ROPN1: variants seen among roughly 807,000 people sequenced by gnomAD.
ROPN1 encodes the protein rhophilin associated tail protein 1.
Under a neutral mutation model 20.5 loss-of-function variants are expected in ROPN1, and 14 were observed. That is an observed-to-expected ratio of 0.68 (90% CI 0.45 to 1.07). The LOEUF (loss-of-function observed/expected upper bound fraction) is 1.07, where lower values mean the gene tolerates loss of function less well. ROPN1 is among the 50% of genes least tolerant of loss of function. The pLI is 0.00. For synonymous variants in ROPN1, 76 were observed against 95.7 expected, an observed-to-expected ratio of 0.79 and a Z score of 1.20; for missense variants, 169 against 242.8, an observed-to-expected ratio of 0.70 and a Z score of 2.02.
chr3:123,980,368 G>C lies in ROPN1; in HGVS notation c.114C>G (p.Ala38=). The change falls in exon 2 of 6, where the codon GCC becomes GCG. Residue 38 remains alanine (A), a splice_region_variant and synonymous_variant. Coordinates refer to ENST00000405845, the MANE Select transcript of ROPN1 (RefSeq NM_001317774.2). ...VQPQDLIQWA[A]DYFEALSRGE... ...GAAGGCGAGAAAGGAGCACGTACTC[G>C]GCTGCCCACTGGATGAGGTCCTGCG... 4 of 1,614,094 alleles carry C rather than the reference G, an allele frequency of 2.5e-6. No individual in the cohort carries two copies. Among genetic ancestry groups the C allele is most frequent in the Non-Finnish European group, 3.4e-6 (4 of 1,179,982 alleles).
intron 4 of ROPN1, among the ~76,000 whole-genome samples, chr3:123,971,627 G>T (rs1310809911): frequency 2.6e-5 from 4 of 152,156 alleles, no homozygotes; most frequent in South Asian, 2.1e-4. Flanking sequence ...GAGGCTGTCT[G>T]GGAGGATGGT....
intron 4 of ROPN1, among the ~76,000 whole-genome samples, chr3:123,971,316 G>C (rs1171933385): frequency 4.6e-5 from 7 of 152,166 alleles, no homozygotes; most frequent in Non-Finnish European, 7.3e-5. Context: ...ACTCTTCCTT[G>C]AGTGATAGTT....
At chr3:123,980,137 G>T in intron 2 of ROPN1, 2 of 577,426 alleles carry the variant, frequency 3.5e-6, no homozygotes, top group Admixed American at 3.0e-5. Flanking sequence ...TTGACCTGGC[G>T]TCCTACTGCT....
chr3:123,974,205 C>T (rs1316601108), intron 4 of ROPN1, among the ~76,000 whole-genome samples: 2 of 151,878 alleles, frequency 1.3e-5, no homozygotes, highest in South Asian at 2.1e-4. Context: ...CCCCCAAAAA[C>T]GTCTCCAAAT....
At chr3:123,984,603 T>C (rs567678559) in intron 1 of ROPN1, among the ~76,000 whole-genome samples, 7 of 152,356 alleles carry the variant, frequency 4.6e-5, no homozygotes, top group Admixed American at 3.9e-4. Flanking sequence ...TTGCTTTTTA[T>C]AGTCAGAGAG....
chr3:123,980,329 G>C (rs755798802), intron 2 of ROPN1, 37 bp downstream of exon 2: 2 of 1,604,058 alleles, frequency 1.2e-6, no homozygotes, highest in Non-Finnish European at 1.7e-6. Flanking sequence ...GTCTCCGGCC[G>C]TCCTCCAAGG....
chr3:123,988,364 A>G (rs970327927), intron 1 of ROPN1, among the ~76,000 whole-genome samples: 2 of 152,070 alleles, frequency 1.3e-5, no homozygotes, highest in African/African-American at 2.4e-5. Context: ...CAGGCTGACA[A>G]TCAGGTCAGA....
At chr3:123,986,482 C>T (rs1029850129) in intron 1 of ROPN1, among the ~76,000 whole-genome samples, 7 of 152,006 alleles carry the variant, frequency 4.6e-5, no homozygotes, top group Admixed American at 1.3e-4. Flanking sequence ...GGGTGCTGGC[C>T]GGTGCAAGTC....
chr3:123,969,148 T>A lies in ROPN1; in HGVS notation c.*7A>T. The A allele has an allele frequency of 6.2e-7, 1 of 1,612,538 alleles. No individual in the cohort carries two copies. Among genetic ancestry groups the A allele is most frequent in the Non-Finnish European group, 8.5e-7 (1 of 1,178,572 alleles). ...TATCTTCCTTTAAAATTGCCAAAAT[T>A]GTGCTTTTACTCCAGCTGAACCCTG... On this transcript the variant is annotated 3_prime_UTR_variant, in exon 6 of 6. Transcript: ENST00000405845.
chr3:123,969,237 T>C lies in ROPN1; in HGVS notation c.573-16A>G, dbSNP rs1232489065. 2 of 1,591,426 alleles carry C rather than the reference T, an allele frequency of 1.3e-6. No homozygotes were observed. Among genetic ancestry groups the C allele is most frequent in the Non-Finnish European group, 1.7e-6 (2 of 1,159,678 alleles). On this transcript the variant is annotated splice_polypyrimidine_tract_variant and intron_variant, in intron 5 of 5. Transcript: ENST00000405845. ...AGGGCCAATTCTGTTTGGAAAAAGGTATATCTGCAGTTAGTTCATTGACAG... is the reference window on the plus strand; with the variant it reads ...AGGGCCAATTCTGTTTGGAAAAAGGCATATCTGCAGTTAGTTCATTGACAG...
intron 1 of ROPN1, among the ~76,000 whole-genome samples, chr3:123,990,852 C>T (rs2038391757): frequency 6.6e-6 from 1 of 152,148 alleles, no homozygotes; most frequent in Non-Finnish European, 1.5e-5. Context: ...AGACTATAGC[C>T]TTGTTTCAGG....
At chr3:123,978,544 G>T (rs1381599365) in intron 2 of ROPN1, 1 of 153,768 alleles carries the variant, frequency 6.5e-6, no homozygotes, top group Non-Finnish European at 1.5e-5. Flanking sequence ...CACATATATT[G>T]CAAATTTGTG....
At chr3:123,969,817 G>A (rs553423116) in intron 5 of ROPN1, among the ~76,000 whole-genome samples, 80 of 152,252 alleles carry the variant, frequency 5.3e-4, no homozygotes, top group East Asian at 5.2e-3. Context: ...TGCTGCTGCC[G>A]CTACTGCTAG....
chr3:123,969,737 G>A (rs552053725), intron 5 of ROPN1, among the ~76,000 whole-genome samples: 36 of 152,312 alleles, frequency 2.4e-4, no homozygotes, highest in African/African-American at 7.0e-4. Context: ...CTGGGCTCTG[G>A]CCCTAGAGTT....
intron 1 of ROPN1, chr3:123,991,328 C>T (rs1436288116): frequency 2.8e-5 from 3 of 108,092 alleles, no homozygotes; most frequent in Non-Finnish European, 5.6e-5. Context: ...AAAATGAATG[C>T]GTGATAGCAG....
At position 123,970,108 on chromosome 3, in the gene ROPN1, G is replaced by T. The variant is rs184315106; in HGVS notation, c.506C>A (p.Ala169Asp). The change falls in exon 5 of 6, where the codon GCC becomes GAC. Residue 169 changes from alanine (A) to aspartate (D), a missense_variant. Transcript: ENST00000405845. The stretch of plus-strand genomic sequence containing the variant: ...TGCAGAGATCTCCCCATCCACTTTG[G>T]CAATATACGTGTAGAGAAACTGGAA... ...STFQFLYTYI[A>D]KVDGEISASH... 1 of 1,613,996 alleles carries T rather than the reference G, an allele frequency of 6.2e-7. No individual in the cohort carries two copies. The highest frequency in any genetic ancestry group is 8.5e-7 in the Non-Finnish European group (1 of 1,180,026).
chr3:123,990,308 G>A (rs1577379483), intron 1 of ROPN1, among the ~76,000 whole-genome samples: 1 of 152,070 alleles, frequency 6.6e-6, no homozygotes, highest in Non-Finnish European at 1.5e-5. Context: ...AGGTGGAGGA[G>A]GAGGAAGAAG....
chr3:123,980,346 G>A lies in ROPN1; in HGVS notation c.116+20C>T, dbSNP rs747606234. ...CTCCGGCCGTCCTCCAAGGGGTGAAGGCGAGAAAGGAGCACGTACTCGGCT... is the reference window on the plus strand; with the variant it reads ...CTCCGGCCGTCCTCCAAGGGGTGAAAGCGAGAAAGGAGCACGTACTCGGCT... On this transcript the variant is annotated intron_variant, in intron 2 of 5. Transcript: ENST00000405845. 8 of 1,613,244 alleles carry A rather than the reference G, an allele frequency of 5.0e-6. No homozygotes were observed. The highest frequency in any genetic ancestry group is 6.8e-6 in the Non-Finnish European group (8 of 1,179,282).
chr3:123,977,309 A>G (rs1317704142), intron 2 of ROPN1, among the ~76,000 whole-genome samples: 2 of 152,238 alleles, frequency 1.3e-5, no homozygotes, highest in African/African-American at 2.4e-5. Context: ...AGTGTTTTAT[A>G]CACGCAGATG....
Sources: allele counts gnomAD v4.1 joint callset (sites outside exome capture counted in the v4.1 genomes callset), GRCh38; gene constraint gnomAD v4.1.1; transcripts MANE v1.5; gene names NCBI Gene and HGNC (gene_info 2026-07-23, HGNC 2026-07-21).